Variants in RBFOX3 observed in about 807,000 individuals in gnomAD.
RBFOX3 encodes the protein RNA binding fox-1 homolog 3.
Under a neutral mutation model 48.7 loss-of-function variants are expected in RBFOX3, and 17 were observed. That is an observed-to-expected ratio of 0.35 (90% CI 0.24 to 0.52). The LOEUF (loss-of-function observed/expected upper bound fraction) is 0.52. Among genes scored for constraint, RBFOX3 ranks in the 20% least tolerant of loss-of-function variants. The pLI is 0.94. For synonymous variants in RBFOX3, 212 were observed against 209.5 expected (o/e 1.01, Z -0.10); for missense variants, 382 against 497.5 (o/e 0.77, Z 2.21).
At chr17:79,568,348 TAA>T (rs1437131495) in intron 1 of RBFOX3, among the ~76,000 whole-genome samples, 2 of 152,142 alleles carry the variant, frequency 1.3e-5, no homozygotes, top group African/African-American at 2.4e-5. Context: ...CTCCAAAATC[TAA>T]AACTTTGTGA....
rs546067025 is a variant in RBFOX3, at chr17:79,367,652, C to T, written c.-174-59828G>A. Among the ~76,000 whole-genome samples the T allele has an allele frequency of 1.7e-3, 262 of 152,258 alleles. 1 individual carries two copies. The highest frequency in any genetic ancestry group is 2.7e-3 in the Non-Finnish European group (182 of 68,024). On this transcript the variant is annotated intron_variant, in intron 2 of 14. Transcript: ENST00000693108. ...AAAATATTTCCCCAGCCACCTACTA[C>T]GGGATGCAGCAGAGGAGAAAATGGC...
chr17:79,565,374 C>G (rs1460875912), intron 1 of RBFOX3, among the ~76,000 whole-genome samples: 2 of 149,220 alleles, frequency 1.3e-5, no homozygotes, highest in Admixed American at 6.7e-5. Context: ...GAGACTCGCT[C>G]TGTTGCCTAG....
chr17:79,225,861 C>T (rs991614413), intron 4 of RBFOX3, among the ~76,000 whole-genome samples: 2 of 151,880 alleles, frequency 1.3e-5, no homozygotes, highest in Non-Finnish European at 2.9e-5. Context: ...GGCTTTACCC[C>T]GTACTGGGGA....
chr17:79,089,364 A>ATCTT lies in RBFOX3; in HGVS notation c.*1515_*1518dup, dbSNP rs1167931251. ...GAGTTGTCCTGGTTTGAAGAAAGAA[A>ATCTT]TCTTTATTAATAATCTTAATAATAC... On this transcript the variant is annotated 3_prime_UTR_variant, in exon 15 of 15. Coordinates refer to ENST00000693108, the MANE Select transcript of RBFOX3 (RefSeq NM_001350451.2). 2 of 152,624 alleles carry ATCTT rather than the reference A, an allele frequency of 1.3e-5. No homozygotes were observed. Among genetic ancestry groups the ATCTT allele is most frequent in the African/African-American group, 4.8e-5 (2 of 41,458 alleles). The allele number at this position is 152,624 out of a possible 1,614,324, so 9.5% of individuals were successfully genotyped here.
intron 2 of RBFOX3, among the ~76,000 whole-genome samples, chr17:79,476,290 C>T (rs1343368986): frequency 6.6e-6 from 1 of 152,252 alleles, no homozygotes; most frequent in Non-Finnish European, 1.5e-5. Flanking sequence ...CCACAGCGCC[C>T]TCTGCGACCC....
chr17:79,656,773 G>A, the RBFOX3 span, among the ~76,000 whole-genome samples: 43,300 of 82,710 alleles, frequency 0.52, 11,107 homozygotes, highest in Non-Finnish European at 0.61. Flanking sequence ...AAGGAAGGAA[G>A]GAAGGAAAGA....
intron 1 of RBFOX3, among the ~76,000 whole-genome samples, chr17:79,545,547 C>G (rs1217642668): frequency 6.6e-6 from 1 of 152,240 alleles, no homozygotes; most frequent in Non-Finnish European, 1.5e-5. Flanking sequence ...CCAGGCCTGA[C>G]TTGGTGTCCC....
chr17:79,358,574 C>T (rs1476973689), intron 2 of RBFOX3, among the ~76,000 whole-genome samples: 1 of 152,176 alleles, frequency 6.6e-6, no homozygotes, highest in Non-Finnish European at 1.5e-5. Flanking sequence ...AATTCCATTG[C>T]CTCAGTCAAC....
intron 2 of RBFOX3, among the ~76,000 whole-genome samples, chr17:79,460,416 C>T (rs2075226984): frequency 6.6e-6 from 1 of 152,178 alleles, no homozygotes; most frequent in Admixed American, 6.5e-5. Flanking sequence ...CAGTCAGCTC[C>T]CCAGAATCAA....
At chr17:79,356,348 G>GTTTTTTTTTTTTTTTTTTTTTTT (rs58040659) in intron 2 of RBFOX3, among the ~76,000 whole-genome samples, 3 of 47,330 alleles carry the variant, frequency 6.3e-5, no homozygotes, top group Middle Eastern at 0.017. Flanking sequence ...AAACAGGGAA[G>GTTTTTTTTTTTTTTTTTTTTTTT]TTTTTTTTTT....
intron 3 of RBFOX3, among the ~76,000 whole-genome samples, chr17:79,277,314 A>T (rs2144148316): frequency 1.4e-5 from 2 of 147,482 alleles, no homozygotes; most frequent in Non-Finnish European, 3.0e-5. Context: ...GGGGGGGGGT[A>T]GTGCTGCTCG....
intron 1 of RBFOX3, among the ~76,000 whole-genome samples, chr17:79,517,748 A>T (rs2085461274): frequency 6.6e-6 from 1 of 152,156 alleles, no homozygotes; most frequent in Non-Finnish European, 1.5e-5. Flanking sequence ...GTGTTGGGGG[A>T]AAGTTATCAT....
At chr17:79,170,128 A>AGGAAGGGAGGAGGAAGGAGGAAGGAAGGG (rs2048892180) in intron 4 of RBFOX3, among the ~76,000 whole-genome samples, 1 of 135,696 alleles carries the variant, frequency 7.4e-6, no homozygotes, top group African/African-American at 3.2e-5. Flanking sequence ...GGAAGGAAGG[A>AGGAAGGGAGGAGGAAGGAGGAAGGAAGGG]AGGAGGAAGG....
chr17:79,179,218 G>A (rs139212752), intron 4 of RBFOX3, among the ~76,000 whole-genome samples: 58 of 150,272 alleles, frequency 3.9e-4, no homozygotes, highest in African/African-American at 1.3e-3. Flanking sequence ...TAAGAACAGT[G>A]CCTCCTAATG....
chr17:79,257,627 A>C (rs753936123), intron 3 of RBFOX3, among the ~76,000 whole-genome samples: 1 of 152,040 alleles, frequency 6.6e-6, no homozygotes, highest in Admixed American at 6.6e-5. Context: ...GTTACCCAGG[A>C]TGGAGTGCTG....
intron 1 of RBFOX3, chr17:79,597,974 GC>G (rs1322490400): frequency 6.6e-6 from 1 of 152,318 alleles, no homozygotes; most frequent in Non-Finnish European, 1.5e-5. Flanking sequence ...CCATGGAGCC[GC>G]GGCAGGTAGA....
chr17:79,223,126 G>T (rs2059920733), intron 4 of RBFOX3, among the ~76,000 whole-genome samples: 1 of 152,166 alleles, frequency 6.6e-6, no homozygotes, highest in South Asian at 2.1e-4. Flanking sequence ...CTCACAGGCA[G>T]GGCCTCTGCC....
chr17:79,541,949 C>T (rs1380550006), intron 1 of RBFOX3, among the ~76,000 whole-genome samples: 3 of 152,104 alleles, frequency 2.0e-5, no homozygotes, highest in Non-Finnish European at 4.4e-5. Flanking sequence ...GGTCCCCACG[C>T]ACTGGCTGCC....
In RBFOX3 at chr17:79,476,565, C is replaced by T. The variant is rs372228894; in HGVS notation, c.-175+5889G>A. Among the ~76,000 whole-genome samples, 1,381 of 152,216 alleles carry T rather than the reference C, an allele frequency of 9.1e-3. 56 individuals carry two copies. The highest frequency in any genetic ancestry group is 0.079 in the Admixed American group (1,203 of 15,294). ...AAACCCCACGCCAGTCAGTTCAGGG[C>T]GTGTGAAGGATTCCAGCCACATGTT... On this transcript the variant is annotated intron_variant, in intron 2 of 14. Coordinates refer to ENST00000693108, the MANE Select transcript of RBFOX3 (RefSeq NM_001350451.2).
Sources: gnomAD v4.1 joint callset for allele counts (sites outside exome capture counted in the v4.1 genomes callset) on GRCh38, gnomAD v4.1.1 for gene constraint, MANE v1.5 for transcripts, NCBI Gene and HGNC (gene_info 2026-07-23, HGNC 2026-07-21) for gene names.